Variants in PIP5K1B observed in about 807,000 individuals in gnomAD.
PIP5K1B encodes phosphatidylinositol-4-phosphate 5-kinase type 1 beta, also known as phosphatidylinositol 4-phosphate 5-kinase type-1 beta.
PIP5K1B carries 42 observed loss-of-function variants against 67.0 expected under a neutral mutation model. The ratio of observed to expected loss-of-function variants is 0.63; its 90% CI spans 0.49 to 0.81. The LOEUF (loss-of-function observed/expected upper bound fraction) is 0.81. Among genes scored for constraint, PIP5K1B ranks in the 30% least tolerant of loss-of-function variants. The pLI is 0.00. For synonymous variants in PIP5K1B, 214 were observed against 231.4 expected, an observed-to-expected ratio of 0.92 and a Z score of 0.68; for missense variants, 459 against 646.3, an observed-to-expected ratio of 0.71 and a Z score of 3.14.
intron 14 of PIP5K1B, among the ~76,000 whole-genome samples, chr9:68,957,768 C>T (rs1354037772): frequency 6.6e-6 from 1 of 152,152 alleles, no homozygotes; most frequent in African/African-American, 2.4e-5. Context: ...GTCTTACAGC[C>T]TACTACAGAG....
At chr9:68,921,000 T>C (rs1826369658) in intron 11 of PIP5K1B, among the ~76,000 whole-genome samples, 1 of 152,214 alleles carries the variant, frequency 6.6e-6, no homozygotes, top group African/African-American at 2.4e-5. Context: ...GAATAAATTA[T>C]AGATGATCTT....
At chr9:68,999,432 A>G (rs10746987) in intron 15 of PIP5K1B, among the ~76,000 whole-genome samples, 144,029 of 152,276 alleles carry the variant, frequency 0.95, 68,616 homozygotes, top group South Asian at 1. Flanking sequence ...GTGACGTTAG[A>G]TAGATGTTTC....
intron 11 of PIP5K1B, among the ~76,000 whole-genome samples, chr9:68,920,359 CTTTT>C (rs5898051): frequency 2.0e-5 from 2 of 98,308 alleles, no homozygotes; most frequent in South Asian, 4.2e-4. Context: ...CTGAGGTTGT[CTTTT>C]TTTTTTTTTT....
intron 1 of PIP5K1B, among the ~76,000 whole-genome samples, chr9:68,710,103 T>C (rs1369304034): frequency 6.6e-6 from 1 of 151,916 alleles, no homozygotes; most frequent in Non-Finnish European, 1.5e-5. Context: ...ATCCTGGAAA[T>C]TTTTTTTTCC....
At chr9:68,877,247 T>G (rs1823943320) in intron 6 of PIP5K1B, among the ~76,000 whole-genome samples, 1 of 152,204 alleles carries the variant, frequency 6.6e-6, no homozygotes, top group African/African-American at 2.4e-5. Context: ...GTTCTCAAGA[T>G]CTCTTCAGGC....
chr9:68,974,466 G>T (rs570438603), intron 14 of PIP5K1B, among the ~76,000 whole-genome samples: 3 of 152,254 alleles, frequency 2.0e-5, no homozygotes, highest in East Asian at 1.9e-4. Context: ...AAGGGTTTGG[G>T]TATATAAAAG....
intron 14 of PIP5K1B, among the ~76,000 whole-genome samples, chr9:68,986,106 G>A (rs568044798): frequency 2.0e-5 from 3 of 152,150 alleles, no homozygotes; most frequent in African/African-American, 4.8e-5. Context: ...ATTTTTCTTG[G>A]ATATGTATGT....
chr9:68,755,357 C>T (rs1829872547), intron 2 of PIP5K1B, among the ~76,000 whole-genome samples: 1 of 152,208 alleles, frequency 6.6e-6, no homozygotes, highest in South Asian at 2.1e-4. Flanking sequence ...TTACTGATAT[C>T]ACAAGAAGTT....
chr9:68,824,013 C>CATTAA, intron 4 of PIP5K1B: 1 of 477,096 alleles, frequency 2.1e-6, no homozygotes, highest in Non-Finnish European at 4.2e-6. Context: ...GGTAAAGATT[C>CATTAA]AAGAGCTCAG....
chr9:68,809,123 T>A (rs1401060141), intron 2 of PIP5K1B, among the ~76,000 whole-genome samples: 3 of 152,234 alleles, frequency 2.0e-5, no homozygotes, highest in African/African-American at 7.2e-5. Flanking sequence ...TCTAAGCCTA[T>A]AGTTTCTTAA....
At chr9:68,801,176 T>C (rs1329012416) in intron 2 of PIP5K1B, among the ~76,000 whole-genome samples, 1 of 152,206 alleles carries the variant, frequency 6.6e-6, no homozygotes, top group Non-Finnish European at 1.5e-5. Context: ...GAGAGGGTGC[T>C]TTGCTTGAGC....
At chr9:68,902,444 A>T (rs1825411468) in intron 8 of PIP5K1B, among the ~76,000 whole-genome samples, 1 of 152,204 alleles carries the variant, frequency 6.6e-6, no homozygotes, top group Admixed American at 6.5e-5. Flanking sequence ...TGTATCAGTA[A>T]TGTGCTCCTT....
chr9:68,737,786 T>G (rs1587365244), intron 1 of PIP5K1B, among the ~76,000 whole-genome samples: 1 of 152,190 alleles, frequency 6.6e-6, no homozygotes, highest in East Asian at 1.9e-4. Context: ...TCATATAAAT[T>G]ATTTAGGAGT....
At chr9:69,003,362 G>A (rs1830910678) in intron 15 of PIP5K1B, among the ~76,000 whole-genome samples, 1 of 151,884 alleles carries the variant, frequency 6.6e-6, no homozygotes, top group African/African-American at 2.4e-5. Flanking sequence ...AAGATATTTG[G>A]GACAAAGAAT....
At chr9:68,755,579 A>T (rs1190098433) in intron 2 of PIP5K1B, among the ~76,000 whole-genome samples, 2 of 152,242 alleles carry the variant, frequency 1.3e-5, no homozygotes, top group Non-Finnish European at 2.9e-5. Flanking sequence ...GTTACTAGGG[A>T]TAACCACTGT....
At chr9:68,734,671 T>G (rs1828638180) in intron 1 of PIP5K1B, among the ~76,000 whole-genome samples, 1 of 152,210 alleles carries the variant, frequency 6.6e-6, no homozygotes, top group Non-Finnish European at 1.5e-5. Context: ...CTCACAAGGA[T>G]AAGAATGTCC....
At chr9:68,985,804 C>CT (rs1830073477) in intron 14 of PIP5K1B, among the ~76,000 whole-genome samples, 1 of 152,212 alleles carries the variant, frequency 6.6e-6, no homozygotes, top group Non-Finnish European at 1.5e-5. Flanking sequence ...CATGAGTCTG[C>CT]TTTTCTGTCT....
At chr9:68,751,875 G>C (rs1332987176) in intron 2 of PIP5K1B, among the ~76,000 whole-genome samples, 1 of 152,160 alleles carries the variant, frequency 6.6e-6, no homozygotes, top group East Asian at 1.9e-4. Flanking sequence ...TTAGTTTTAT[G>C]TTATATGAAT....
At chr9:68,930,052 C>T (rs979493302) in intron 12 of PIP5K1B, among the ~76,000 whole-genome samples, 1 of 152,254 alleles carries the variant, frequency 6.6e-6, no homozygotes, top group South Asian at 2.1e-4. Context: ...GCTTGTCTTT[C>T]GTAACTCAGG....
Sources: gnomAD v4.1 joint callset for allele counts (sites outside exome capture counted in the v4.1 genomes callset) on GRCh38, gnomAD v4.1.1 for gene constraint, MANE v1.5 for transcripts, NCBI Gene and HGNC (gene_info 2026-07-23, HGNC 2026-07-21) for gene names.